The following ZNF264 variants were observed in gnomAD, a reference collection of about 807,000 sequenced individuals.
The protein encoded by ZNF264 is zinc finger protein 264.
Under a neutral mutation model 11.2 loss-of-function variants are expected in ZNF264, and 11 were observed. The ratio of observed to expected loss-of-function variants is 0.98; its 90% CI spans 0.62 to 1.63. ZNF264 has a LOEUF of 1.63. Among genes scored for constraint, ZNF264 ranks in the 40% most tolerant of loss-of-function variants. The probability of loss-of-function intolerance (pLI) is 0.00; values close to 1 mark genes in which losing one functional copy is unlikely to be tolerated. For synonymous variants in ZNF264, 309 were observed against 279.8 expected, an observed-to-expected ratio of 1.10 and a Z score of -1.04; for missense variants, 752 against 768.1, an observed-to-expected ratio of 0.98 and a Z score of 0.25.
chr19:57,214,539 G>C lies in ZNF264; in HGVS notation c.*1558G>C, dbSNP rs1038688877. 1 of 152,128 alleles carries C rather than the reference G, an allele frequency of 6.6e-6. No homozygotes were observed. The highest frequency in any genetic ancestry group is 1.5e-5 in the Non-Finnish European group (1 of 68,078). 9.4% of individuals were successfully genotyped at this position (152,128 alleles called of 1,614,324 possible). ...GCTAATTTTTGTATTTTTTGGTAGA[G>C]ACAGGGTTTCACCATGGTGCCCAGG... On this transcript the variant is annotated 3_prime_UTR_variant, in exon 4 of 4. Coordinates refer to ENST00000263095, the MANE Select transcript of ZNF264 (RefSeq NM_003417.5).
intron 2 of ZNF264, among the ~76,000 whole-genome samples, chr19:57,197,830 A>G (rs1307392155): frequency 6.6e-6 from 1 of 151,894 alleles, no homozygotes; most frequent in Non-Finnish European, 1.5e-5. Context: ...TAGAAATTTT[A>G]CTGAGGTAGA....
intron 2 of ZNF264, among the ~76,000 whole-genome samples, chr19:57,199,289 G>T (rs895508338): frequency 2.0e-5 from 3 of 151,950 alleles, no homozygotes; most frequent in Admixed American, 2.0e-4. Context: ...AAAGATGCAG[G>T]TGCTGCCCTC....
Position 57,211,351 on chromosome 19 carries a change from CAGGCGACAA to C in ZNF264, c.258_266del (p.Asp87_Gly89del). 1 of 1,585,194 alleles carries C rather than the reference CAGGCGACAA, an allele frequency of 6.3e-7. No homozygotes were observed. On this transcript the variant is annotated splice_acceptor_variant and coding_sequence_variant, in exon 4 of 4. Transcript: ENST00000263095. LOFTEE classifies it high-confidence loss of function. ...GCCCTTTTGTGTGCTGGATTTCTTT[CAGGCGACAA>C]AGGAAAACCTAAGACCACAGAACCT... is the stretch of plus-strand genomic sequence containing the variant.
rs1455368976 is a variant in ZNF264 at position 57,216,000 on chromosome 19, C to T, written c.*3019C>T. ...TCCTGCTCATTGTTATTCAAGTCAG[C>T]TATGTCCTTGCTGATTTTCTGTCCA... On this transcript the variant is annotated 3_prime_UTR_variant, in exon 4 of 4. Transcript: ENST00000263095. 2 of 152,234 alleles carry T rather than the reference C, an allele frequency of 1.3e-5. No individual in the cohort carries two copies. The highest frequency in any genetic ancestry group is 4.8e-5 in the African/African-American group (2 of 41,428). 9.4% of individuals were successfully genotyped at this position (152,234 alleles called of 1,614,324 possible).
At chr19:57,202,837 A>G (rs2087263222) in intron 2 of ZNF264, among the ~76,000 whole-genome samples, 1 of 151,392 alleles carries the variant, frequency 6.6e-6, no homozygotes, top group Non-Finnish European at 1.5e-5. Context: ...GGGAACCCCA[A>G]CTCAAAGCCC....
intron 2 of ZNF264, among the ~76,000 whole-genome samples, chr19:57,200,492 C>G (rs920973559): frequency 4.0e-5 from 6 of 151,034 alleles, no homozygotes; most frequent in African/African-American, 9.8e-5. Context: ...TTTACTCCCC[C>G]ACCCCACCCC....
Position 57,193,864 on chromosome 19 carries a change from T to G in ZNF264, c.34-11T>G, listed in dbSNP as rs975270482. ...AAAGGCCAATACTACTAATTCTGTT[T>G]GACTTTCCAGGTGTCTGTGACCTTT... On this transcript the variant is annotated splice_polypyrimidine_tract_variant and intron_variant, in intron 1 of 3. Transcript: ENST00000263095. The G allele has an allele frequency of 1.9e-6, 3 of 1,613,888 alleles. No homozygotes were observed. The highest frequency in any genetic ancestry group is 1.7e-6 in the Non-Finnish European group (2 of 1,179,878).
chr19:57,199,748 T>C (rs2087237270), intron 2 of ZNF264, among the ~76,000 whole-genome samples: 1 of 151,902 alleles, frequency 6.6e-6, no homozygotes, highest in African/African-American at 2.4e-5. Context: ...ACCTCACTTC[T>C]GTGGGCCCAT....
In ZNF264 at chr19:57,213,081, A is replaced by G; in HGVS notation, c.*100A>G. ...TTCTCCATCTGATAATTTATCCTGG[A>G]GAGAGACCCAGTGGTTATTGTGCAC... On this transcript the variant is annotated 3_prime_UTR_variant, in exon 4 of 4. Coordinates refer to ENST00000263095, the MANE Select transcript of ZNF264 (RefSeq NM_003417.5). The G allele has an allele frequency of 8.3e-7, 1 of 1,210,218 alleles. No homozygotes were observed. The highest frequency in any genetic ancestry group is 1.1e-6 in the Non-Finnish European group (1 of 875,598). 75.0% of individuals were successfully genotyped at this position (1,210,218 alleles called of 1,614,324 possible).
At position 57,212,031 on chromosome 19, in the gene ZNF264, GA is replaced by G. The variant is rs756473606; in HGVS notation, c.939del (p.Lys313AsnfsTer74). 1.4e-5 allele frequency: 23 copies of G among 1,613,966 alleles called. No homozygotes were observed. The highest frequency in any genetic ancestry group is 1.9e-5 in the Non-Finnish European group (22 of 1,180,030). On this transcript the variant is annotated frameshift_variant, in exon 4 of 4. Transcript: ENST00000263095. LOFTEE classifies it low-confidence loss of function (END_TRUNC). ...FVLHNRRHTG[E>X]KSFVCTECGQ... is the part of the protein sequence containing the mutation. ...CTTGCATAACAGGAGACACACTGGA[GA>G]AAAATCCTTTGTGTGCACAGAATGT...
In ZNF264 at chr19:57,212,701, G is replaced by T. The variant is rs750906997; in HGVS notation, c.1604G>T (p.Gly535Val). The change falls in exon 4 of 4, where the codon GGA becomes GTA. Residue 535 changes from glycine to valine, a missense_variant. By Grantham distance (109) the Gly-to-Val change is moderately radical. Transcript: ENST00000263095. Reference protein sequence around the residue: ...NLIRHAIIHTGEKPYKCSECG... With the variant: ...NLIRHAIIHTVEKPYKCSECG... ...ATTCGACATGCCATTATCCACACTG[G>T]AGAGAAGCCCTATAAATGTAGTGAA... is the stretch of plus-strand genomic sequence containing the variant. 1.7e-5 allele frequency: 27 copies of T among 1,614,088 alleles called. No individual in the cohort carries two copies. The highest frequency in any genetic ancestry group is 2.0e-5 in the Non-Finnish European group (24 of 1,180,046).
Position 57,212,362 on chromosome 19 carries a change from C to A in ZNF264, c.1265C>A (p.Thr422Asn), listed in dbSNP as rs1464639482. The A allele has an allele frequency of 6.2e-7, 1 of 1,613,396 alleles. No homozygotes were observed. Among genetic ancestry groups the A allele is most frequent in the Non-Finnish European group, 8.5e-7 (1 of 1,179,846 alleles). Reference protein sequence around the residue: ...SYLKRHQRIHTGEKPFVCSEC... With the variant: ...SYLKRHQRIHNGEKPFVCSEC... ...CTCAAGAGGCACCAGCGGATTCACA[C>A]TGGGGAGAAGCCCTTCGTGTGCAGT... Residue 422 changes from threonine to asparagine, a missense_variant, in exon 4 of 4, where the codon ACT (threonine) becomes AAT (asparagine). By Grantham distance (65) the Thr-to-Asn change is moderately conservative (BLOSUM62 0). Transcript: ENST00000263095.
At chr19:57,192,569 T>C (rs2087182246) in intron 1 of ZNF264, 8 of 985,194 alleles carry the variant, frequency 8.1e-6, no homozygotes, top group African/African-American at 1.7e-5. Context: ...GGCCGATGGT[T>C]GGTTCATTGT....
chr19:57,194,200 TC>T, intron 2 of ZNF264, 199 bp downstream of exon 2: 1 of 686,934 alleles, frequency 1.5e-6, no homozygotes, highest in African/African-American at 1.9e-5. Context: ...ACTCTTTGGC[TC>T]CCAGCCAAAG....
chr19:57,205,509 G>A lies in ZNF264; in HGVS notation c.256+17G>A. The A allele has an allele frequency of 6.3e-7, 1 of 1,594,624 alleles. No homozygotes were observed. The highest frequency in any genetic ancestry group is 1.3e-5 in the African/African-American group (1 of 74,824). On this transcript the variant is annotated intron_variant, in intron 3 of 3. Transcript: ENST00000263095. The stretch of plus-strand genomic sequence containing the variant: ...CCTGTCCAGGTAGGAGCCAAGATCT[G>A]GGCAGGTTGGAGTCCCTTCTGGCTT...
In ZNF264 at chr19:57,191,919, G is replaced by C; in HGVS notation, c.6G>C (p.Ala2=). 1 of 1,518,354 alleles carries C rather than the reference G, an allele frequency of 6.6e-7. No individual in the cohort carries two copies. The highest frequency in any genetic ancestry group is 8.8e-7 in the Non-Finnish European group (1 of 1,131,438). The allele number at this position is 1,518,354 out of a possible 1,614,324, so 94.1% of individuals were successfully genotyped here. M[A]AAVLTDRAQV... is the part of the protein sequence containing the mutation. ...GCGGCCCAGGGGGTGACGTGATGGCGGCAGCGGTGCTGACGGACCGGGCCC... is the reference window on the plus strand; with the variant it reads ...GCGGCCCAGGGGGTGACGTGATGGCCGCAGCGGTGCTGACGGACCGGGCCC... Residue 2 remains alanine, a synonymous_variant, in exon 1 of 4, where the codon GCG becomes GCC. Coordinates refer to ENST00000263095, the MANE Select transcript of ZNF264 (RefSeq NM_003417.5).
Position 57,200,452 on chromosome 19 carries a change from GAA to G in ZNF264, c.161-4934_161-4933del, listed in dbSNP as rs573593161. Among the ~76,000 whole-genome samples, 45 of 127,792 alleles carry G rather than the reference GAA, an allele frequency of 3.5e-4. 1 individual carries two copies. Among genetic ancestry groups the G allele is most frequent in the African/African-American group, 1.2e-3 (43 of 35,678 alleles). 83.8% of individuals were successfully genotyped at this position (127,792 alleles called of 152,430 possible). A position where few individuals can be genotyped will look rare whatever the true frequency, so the allele number is the denominator to read the frequency against. On this transcript the variant is annotated intron_variant, in intron 2 of 3. Transcript: ENST00000263095. ...TGAGACCCTGTCTCTAAAATAAATT[GAA>G]AAAAAAAAAAGCCACTCAGTACCCT... is the stretch of plus-strand genomic sequence containing the variant.
At chr19:57,196,913 C>T (rs578134912) in intron 2 of ZNF264, among the ~76,000 whole-genome samples, 2 of 152,092 alleles carry the variant, frequency 1.3e-5, no homozygotes, top group South Asian at 4.1e-4. Context: ...TTTCTCCTTC[C>T]ATGGAAAGTG....
chr19:57,191,527 G>T lies in ZNF264; in HGVS notation c.-387G>T, dbSNP rs1599942681. 1 of 219,112 alleles carries T rather than the reference G, an allele frequency of 4.6e-6. No homozygotes were observed. Among genetic ancestry groups the T allele is most frequent in the Non-Finnish European group, 8.9e-6 (1 of 112,186 alleles). The allele number at this position is 219,112 out of a possible 1,614,324, so 13.6% of individuals were successfully genotyped here. On this transcript the variant is annotated 5_prime_UTR_variant, in exon 1 of 4. In the 5' UTR this introduces an upstream ATG that the reference lacks. Coordinates refer to ENST00000263095, the MANE Select transcript of ZNF264 (RefSeq NM_003417.5). ...TTTCTTCTGCACTTCTGTCTGGAGA[G>T]GTCTGTAGCCACTGAGGGCCCCGGT...
Sources: allele counts gnomAD v4.1 joint callset (sites outside exome capture counted in the v4.1 genomes callset), GRCh38; gene constraint gnomAD v4.1.1; transcripts MANE v1.5; gene names NCBI Gene and HGNC (gene_info 2026-07-23, HGNC 2026-07-21).